CDH12: variants seen among roughly 807,000 people sequenced by gnomAD.
CDH12 encodes cadherin-12.
In CDH12, 41 loss-of-function variants were observed where a neutral mutation model predicts 74.1. That is an observed-to-expected ratio of 0.55 (90% CI 0.43 to 0.72). The LOEUF (loss-of-function observed/expected upper bound fraction) is 0.72, where lower values mean the gene tolerates loss of function less well. Among genes scored for constraint, CDH12 ranks in the 30% least tolerant of loss-of-function variants. The probability of loss-of-function intolerance (pLI) is 0.00; values close to 1 mark genes in which losing one functional copy is unlikely to be tolerated. For missense variants in CDH12, 945 were observed against 977.2 expected, an observed-to-expected ratio of 0.97 and a Z score of 0.44; for synonymous variants, 399 against 355.0, an observed-to-expected ratio of 1.12 and a Z score of -1.39.
chr5:22,495,741 C>T (rs1195644093), intron 2 of CDH12, among the ~76,000 whole-genome samples: 1 of 145,666 alleles, frequency 6.9e-6, no homozygotes, highest in Admixed American at 7.1e-5. Context: ...AACATACAAC[C>T]ACTAAGAATG....
intron 6 of CDH12, among the ~76,000 whole-genome samples, chr5:21,880,285 C>T (rs570366069): frequency 8.5e-5 from 13 of 152,308 alleles, no homozygotes; most frequent in Middle Eastern, 3.4e-3. Flanking sequence ...AACAGTGTTG[C>T]TATCAGTGTT....
chr5:21,976,129 G>T (rs1757061834), intron 5 of CDH12, among the ~76,000 whole-genome samples: 2 of 152,088 alleles, frequency 1.3e-5, no homozygotes, highest in South Asian at 4.1e-4. Context: ...CACTATGATT[G>T]GTAGAATCAC....
intron 1 of CDH12, chr5:22,638,621 C>T (rs930739833): frequency 6.6e-6 from 1 of 152,412 alleles, no homozygotes; most frequent in African/African-American, 2.4e-5. Flanking sequence ...AGGAACAATA[C>T]TTTGCATCCT....
chr5:22,220,309 A>G (rs953604661), intron 3 of CDH12, among the ~76,000 whole-genome samples: 2 of 151,742 alleles, frequency 1.3e-5, no homozygotes, highest in Non-Finnish European at 3.0e-5. Context: ...ATTATTTATA[A>G]TAGTGAGATA....
intron 1 of CDH12, among the ~76,000 whole-genome samples, chr5:22,546,814 T>C: frequency 6.6e-6 from 1 of 152,202 alleles, no homozygotes; most frequent in East Asian, 1.9e-4. Context: ...ATATTTATTT[T>C]CTAGGGCCCC....
intron 1 of CDH12, among the ~76,000 whole-genome samples, chr5:22,648,672 T>C (rs548123340): frequency 3.9e-5 from 6 of 152,046 alleles, no homozygotes; most frequent in Non-Finnish European, 7.4e-5. Flanking sequence ...ATCAAACATA[T>C]GTTCATTATA....
In CDH12 at chr5:22,035,440, T is replaced by C. The variant is rs151111635; in HGVS notation, c.231+43006A>G. Among the ~76,000 whole-genome samples the C allele has an allele frequency of 9.9e-3, 1,508 of 152,116 alleles. 24 individuals carry two copies. The highest frequency in any genetic ancestry group is 0.033 in the African/African-American group (1,374 of 41,488). ...TGTTAACTACCGGCATCCAACCTTA[T>C]GGAGAGCAGTAGAGAACAGAAAGTA... On this transcript the variant is annotated intron_variant, in intron 5 of 14. Transcript: ENST00000382254.
intron 1 of CDH12, among the ~76,000 whole-genome samples, chr5:22,612,940 T>A (rs1437818405): frequency 6.6e-6 from 1 of 152,074 alleles, no homozygotes; most frequent in Non-Finnish European, 1.5e-5. Flanking sequence ...AGAAGTGAAA[T>A]TTGAAAAATC....
rs539678670 is a variant in CDH12 at position 22,103,165 on chromosome 5, C to G, written c.-186-24303G>C. 3.9e-5 allele frequency among the ~76,000 whole-genome samples: 6 copies of G among 152,290 alleles called. No individual in the cohort carries two copies. In the South Asian group the frequency reaches 1.2e-3, roughly 32 times the overall value. Reference sequence around the variant, plus strand: ...AAAAGCCATACTACCATGACAGCTTCTAATCTCGGATCTTGAATGTATCTG... The same window carrying G: ...AAAAGCCATACTACCATGACAGCTTGTAATCTCGGATCTTGAATGTATCTG... On this transcript the variant is annotated intron_variant, in intron 4 of 14. Transcript: ENST00000382254.
Position 22,772,636 on chromosome 5 carries a change from T to C in CDH12, c.-523+80422A>G, listed in dbSNP as rs188167754. Reference sequence around the variant, plus strand: ...AAACAAGTTGCACATATTTCTGTTATAAGCTAAATTTAAACTTAACTAAGA... The same window carrying C: ...AAACAAGTTGCACATATTTCTGTTACAAGCTAAATTTAAACTTAACTAAGA... On this transcript the variant is annotated intron_variant, in intron 1 of 14. Transcript: ENST00000382254. Among the ~76,000 whole-genome samples, 557 of 152,240 alleles carry C rather than the reference T, an allele frequency of 3.7e-3. 4 individuals are homozygous for C. Among genetic ancestry groups the C allele is most frequent in the African/African-American group, 0.013 (542 of 41,556 alleles).
intron 2 of CDH12, among the ~76,000 whole-genome samples, chr5:22,475,362 G>A (rs1270837996): frequency 6.6e-6 from 1 of 151,658 alleles, no homozygotes; most frequent in Non-Finnish European, 1.5e-5. Flanking sequence ...ATAACTAACC[G>A]ATTAATAGGA....
intron 4 of CDH12, among the ~76,000 whole-genome samples, chr5:22,121,094 A>G (rs1745488407): frequency 6.6e-6 from 1 of 152,186 alleles, no homozygotes; most frequent in African/African-American, 2.4e-5. Flanking sequence ...CAAATTTAAA[A>G]TTCAGACTTA....
chr5:22,361,698 A>G (rs1315762105), intron 3 of CDH12, among the ~76,000 whole-genome samples: 2 of 152,336 alleles, frequency 1.3e-5, no homozygotes, highest in South Asian at 2.1e-4. Flanking sequence ...GGCTACAGTA[A>G]CCAAAACAGC....
intron 6 of CDH12, among the ~76,000 whole-genome samples, chr5:21,934,849 C>G (rs1755003760): frequency 6.6e-6 from 1 of 151,950 alleles, no homozygotes; most frequent in Non-Finnish European, 1.5e-5. Flanking sequence ...TGCAGTGGCG[C>G]GATCTTGGCT....
chr5:22,395,638 G>A lies in CDH12; in HGVS notation c.-333+9619C>T, dbSNP rs530976431. On this transcript the variant is annotated intron_variant, in intron 3 of 14. Transcript: ENST00000382254. Reference sequence around the variant, plus strand: ...TTTGGACATATTAAATATAAGATATGTCTAATATATCTAAGCAGAAATGTC... The same window carrying A: ...TTTGGACATATTAAATATAAGATATATCTAATATATCTAAGCAGAAATGTC... Among the ~76,000 whole-genome samples, 106 of 152,136 alleles carry A rather than the reference G, an allele frequency of 7.0e-4. 1 individual carries two copies. In the South Asian group the frequency reaches 0.021, roughly 30 times the overall value.
Position 21,802,396 on chromosome 5 carries a change from C to T in CDH12, c.1027G>A (p.Ala343Thr). Reference protein sequence around the residue: ...KKPLDFETKKAYTFKVEASNL... With the variant: ...KKPLDFETKKTYTFKVEASNL... Reference sequence around the variant, plus strand: ...GAAGCCTCAACTTTGAAAGTGTATGCCTTCTTTGTTTCAAAATCTAAAGGC... The same window carrying T: ...GAAGCCTCAACTTTGAAAGTGTATGTCTTCTTTGTTTCAAAATCTAAAGGC... Residue 343 changes from alanine (A) to threonine (T), a missense_variant, in exon 10 of 15, where the codon GCA (alanine) becomes ACA (threonine). By Grantham distance (58) the Ala-to-Thr change is moderately conservative (BLOSUM62 0). Around this residue, in one of 3 missense-constraint regions of CDH12, gnomAD observed 791 missense variants for 792.8 expected, o/e 1.00. Coordinates refer to ENST00000382254, the MANE Select transcript of CDH12 (RefSeq NM_004061.5). 6.2e-7 allele frequency: 1 copy of T among 1,613,498 alleles called. No individual in the cohort carries two copies. Among genetic ancestry groups the T allele is most frequent in the African/African-American group, 1.3e-5 (1 of 74,936 alleles).
intron 4 of CDH12, among the ~76,000 whole-genome samples, chr5:22,188,320 T>C (rs925914504): frequency 6.6e-5 from 10 of 151,794 alleles, no homozygotes; most frequent in Admixed American, 6.6e-4. Context: ...GCCTTCACCA[T>C]GTTGTGACAC....
At chr5:22,682,843 C>T (rs1741568402) in intron 1 of CDH12, among the ~76,000 whole-genome samples, 2 of 151,954 alleles carry the variant, frequency 1.3e-5, no homozygotes, top group Admixed American at 6.6e-5. Context: ...ACTAACTTGT[C>T]ATTGATATTA....
intron 3 of CDH12, among the ~76,000 whole-genome samples, chr5:22,295,763 A>C (rs1737596447): frequency 6.6e-6 from 1 of 152,132 alleles, no homozygotes; most frequent in Non-Finnish European, 1.5e-5. Flanking sequence ...TAAGGTACTG[A>C]GTAGTATAGG....
Sources: gnomAD v4.1 joint callset for allele counts (sites outside exome capture counted in the v4.1 genomes callset) on GRCh38, gnomAD v4.1.1 for gene constraint, gnomAD v4.1.1 regional missense constraint, MANE v1.5 for transcripts, NCBI Gene and HGNC (gene_info 2026-07-23, HGNC 2026-07-21) for gene names.